Variants in CTNNA1 observed in about 807,000 individuals in gnomAD.
CTNNA1 encodes catenin alpha 1.
Under a neutral mutation model 98.4 loss-of-function variants are expected in CTNNA1, and 37 were observed. The observed-to-expected ratio is 0.38, with a 90% confidence interval of 0.29 to 0.49. The LOEUF is 0.49. CTNNA1 is among the 20% of genes least tolerant of loss of function. The pLI, the probability that CTNNA1 is intolerant of heterozygous loss-of-function variation, is 0.95. For synonymous variants in CTNNA1, 404 were observed against 413.2 expected (o/e 0.98, Z 0.27); for missense variants, 761 against 1,147.2 (o/e 0.66, Z 4.86).
chr5:138,781,087 A>G (rs1755045382), intron 1 of CTNNA1, among the ~76,000 whole-genome samples: 1 of 152,198 alleles, frequency 6.6e-6, no homozygotes, highest in African/African-American at 2.4e-5. Context: ...CTGTGGGTGC[A>G]GAGGGCAGCT....
At chr5:138,824,306 G>T (rs1760411663) in intron 5 of CTNNA1, among the ~76,000 whole-genome samples, 1 of 152,130 alleles carries the variant, frequency 6.6e-6, no homozygotes, top group Non-Finnish European at 1.5e-5. Flanking sequence ...GTAGAAGTGG[G>T]TGTGGGGTGG....
At chr5:138,894,961 C>T (rs979051142) in intron 9 of CTNNA1, among the ~76,000 whole-genome samples, 6 of 152,208 alleles carry the variant, frequency 3.9e-5, no homozygotes, top group Non-Finnish European at 8.8e-5. Flanking sequence ...CCATTGCATC[C>T]TCTAGCAGTC....
chr5:138,904,628 C>T (rs1044800663), intron 10 of CTNNA1, 187 bp downstream of exon 10: 15 of 719,600 alleles, frequency 2.1e-5, no homozygotes, highest in African/African-American at 7.1e-5. Flanking sequence ...GACATTTGCA[C>T]GGGAGATTAC....
intron 3 of CTNNA1, 57 bp from the exon 4 acceptor site, chr5:138,809,979 ATG>A (rs1408001603): frequency 6.5e-7 from 1 of 1,532,592 alleles, no homozygotes; most frequent in African/African-American, 1.4e-5. Context: ...ATTTTTAAAA[ATG>A]TAGATCAGTT....
rs1323165481 is a variant in CTNNA1, at chr5:138,874,168, T to C, written c.1063-12044T>C. On this transcript the variant is annotated intron_variant, in intron 7 of 17. Coordinates refer to ENST00000302763, the MANE Select transcript of CTNNA1 (RefSeq NM_001903.5). The surrounding 1 kb of genome is among the most constrained non-coding windows in gnomAD (Gnocchi z 4.1). ...GGTCCAAATTTTGCAGGTTAATCAG[T>C]TGGGTAAAAGTTGTGTTTGGCAAGT... 3 of 1,613,886 alleles carry C rather than the reference T, an allele frequency of 1.9e-6. No individual in the cohort carries two copies. The highest frequency in any genetic ancestry group is 2.2e-5 in the South Asian group (2 of 91,074).
intron 7 of CTNNA1, chr5:138,875,137 G>C (rs946773722): frequency 4.2e-6 from 2 of 475,140 alleles, no homozygotes; most frequent in African/African-American, 4.0e-5. Context: ...CCCTAAATCA[G>C]TTTTGAATAT....
intron 1 of CTNNA1, among the ~76,000 whole-genome samples, chr5:138,760,294 G>A (rs1239581636): frequency 3.3e-5 from 5 of 151,046 alleles, no homozygotes; most frequent in Non-Finnish European, 7.4e-5. Flanking sequence ...GTGCTCAGCC[G>A]GATTTCTTTC....
At position 138,773,963 on chromosome 5, in the gene CTNNA1, A is replaced by C. The variant is rs556737084; in HGVS notation, c.-2-7960A>C. On this transcript the variant is annotated intron_variant, in intron 1 of 17. Coordinates refer to ENST00000302763, the MANE Select transcript of CTNNA1 (RefSeq NM_001903.5). ...CAGTGGCGTGATCTCATCTCACTGC[A>C]ATCTCTGCCTCTTGGGTTCAAGCGA... Among the ~76,000 whole-genome samples the C allele has an allele frequency of 6.6e-5, 10 of 152,276 alleles. No homozygotes were observed. The South Asian group carries it at 2.1e-3, about 32-fold the overall frequency.
chr5:138,813,332 A>C (rs1026342317), intron 5 of CTNNA1, among the ~76,000 whole-genome samples: 1 of 152,192 alleles, frequency 6.6e-6, no homozygotes, highest in Non-Finnish European at 1.5e-5. Context: ...ATAAGCAAAC[A>C]ATCTAGAAGC....
At chr5:138,860,685 G>A (rs565544836) in intron 7 of CTNNA1, among the ~76,000 whole-genome samples, 32 of 152,076 alleles carry the variant, frequency 2.1e-4, no homozygotes, top group Middle Eastern at 6.8e-3. Flanking sequence ...TAGTAGAGAC[G>A]GGGTTTCACC....
chr5:138,904,245 C>A, intron 9 of CTNNA1, 104 bp from the exon 10 acceptor site: 2 of 1,375,452 alleles, frequency 1.5e-6, no homozygotes, highest in South Asian at 1.7e-5. Context: ...CCCTTGGTGC[C>A]CTTGTCATCT....
chr5:138,795,813 C>T (rs945899318), intron 3 of CTNNA1, among the ~76,000 whole-genome samples: 3 of 151,368 alleles, frequency 2.0e-5, no homozygotes, highest in Non-Finnish European at 4.4e-5. Context: ...TTAAAATGAG[C>T]GTTAATTTTC....
In CTNNA1 at chr5:138,873,162, G is replaced by A. The variant is rs1309155399; in HGVS notation, c.1063-13050G>A. The A allele has an allele frequency of 1.2e-6, 2 of 1,613,992 alleles. No individual in the cohort carries two copies. The highest frequency in any genetic ancestry group is 2.2e-5 in the South Asian group (2 of 91,084). On this transcript the variant is annotated intron_variant, in intron 7 of 17. Transcript: ENST00000302763. This position sits in a 1 kb window ranked among gnomAD's most constrained non-coding sequence, Gnocchi z 6.1. ...ATATGGAGTCGTGTTTGGGATCGGA[G>A]CTGCCTGTGGTTCTGAACCATTGAG...
At chr5:138,809,385 A>G (rs1171489456) in intron 3 of CTNNA1, among the ~76,000 whole-genome samples, 3 of 152,208 alleles carry the variant, frequency 2.0e-5, no homozygotes, top group African/African-American at 7.2e-5. Flanking sequence ...GCATACATTT[A>G]TGATTTCATT....
At chr5:138,840,408 G>A (rs1432310319) in intron 7 of CTNNA1, among the ~76,000 whole-genome samples, 2 of 152,202 alleles carry the variant, frequency 1.3e-5, no homozygotes, top group Admixed American at 1.3e-4. Flanking sequence ...GTTTGTGTGT[G>A]CAATGCCATG....
At chr5:138,894,605 C>T (rs1389215787) in intron 9 of CTNNA1, among the ~76,000 whole-genome samples, 2 of 152,040 alleles carry the variant, frequency 1.3e-5, no homozygotes, top group Non-Finnish European at 2.9e-5. Context: ...CCCTAGTCTG[C>T]ACTGCCATCT....
chr5:138,776,876 C>T (rs567560716), intron 1 of CTNNA1, among the ~76,000 whole-genome samples: 70 of 127,314 alleles, frequency 5.5e-4, no homozygotes, highest in African/African-American at 1.8e-3. Context: ...CCCTCCCGGG[C>T]GGGGCGGCTG....
intron 7 of CTNNA1, among the ~76,000 whole-genome samples, chr5:138,842,470 G>T (rs975286916): frequency 3.9e-5 from 6 of 152,088 alleles, no homozygotes; most frequent in Admixed American, 3.9e-4. Context: ...TCTAAAATTG[G>T]CCATTAATAT....
At chr5:138,893,927 AT>A (rs765571301) in intron 9 of CTNNA1, among the ~76,000 whole-genome samples, 1 of 128,874 alleles carries the variant, frequency 7.8e-6, no homozygotes, top group Admixed American at 7.9e-5. Flanking sequence ...TGGCCTATTT[AT>A]TTTTTTTGAG....
Sources: allele counts gnomAD v4.1 joint callset (sites outside exome capture counted in the v4.1 genomes callset), GRCh38; gene constraint gnomAD v4.1.1; non-coding constraint Gnocchi (gnomAD v3.1); transcripts MANE v1.5; gene names NCBI Gene and HGNC (gene_info 2026-07-23, HGNC 2026-07-21).